Variants in DYNC2H1 observed in about 807,000 individuals in gnomAD.
DYNC2H1 encodes the protein dynein cytoplasmic 2 heavy chain 1, also known as cytoplasmic dynein 2 heavy chain 1.
Under a neutral mutation model 570.0 loss-of-function variants are expected in DYNC2H1, and 410 were observed. That is an observed-to-expected ratio of 0.72 (90% CI 0.66 to 0.78). The LOEUF (loss-of-function observed/expected upper bound fraction) is 0.78, where lower values mean the gene tolerates loss of function less well. Ranked by LOEUF, DYNC2H1 falls within the 30% of genes least tolerant of loss-of-function variation. The pLI is 0.00. For synonymous variants in DYNC2H1, 1,688 were observed against 1,677.6 expected (o/e 1.01, Z -0.15); for missense variants, 4,865 against 5,046.4 (o/e 0.96, Z 1.09).
chr11:103,336,118 A>G (rs1487629629), intron 82 of DYNC2H1, among the ~76,000 whole-genome samples: 1 of 152,188 alleles, frequency 6.6e-6, no homozygotes, highest in Non-Finnish European at 1.5e-5. Context: ...TTGCTAGGCA[A>G]AAGTAATTGG....
chr11:103,167,468 A>C (rs1386558530), intron 31 of DYNC2H1, among the ~76,000 whole-genome samples: 1 of 151,908 alleles, frequency 6.6e-6, no homozygotes, highest in Non-Finnish European at 1.5e-5. Flanking sequence ...TGGTTTTGCC[A>C]TGTTGCCCGG....
Position 103,204,704 on chromosome 11 carries a change from A to G in DYNC2H1, c.8312-118A>G. 1 of 676,034 alleles carries G rather than the reference A, an allele frequency of 1.5e-6. No individual in the cohort carries two copies. Among genetic ancestry groups the G allele is most frequent in the Non-Finnish European group, 2.4e-6 (1 of 420,588 alleles). The allele number at this position is 676,034 out of a possible 1,614,324, so 41.9% of individuals were successfully genotyped here. ...AAAAATCATAACATAATATTGTTTT[A>G]TATTGTGCTCGTTTTAAGAAACAAC... On this transcript the variant is annotated intron_variant, in intron 51 of 88. Transcript: ENST00000375735. The surrounding 1 kb of genome is among the most constrained non-coding windows in gnomAD (Gnocchi z 4.1).
chr11:103,218,847 T>C (rs1403038144), intron 55 of DYNC2H1, among the ~76,000 whole-genome samples: 1 of 152,224 alleles, frequency 6.6e-6, no homozygotes, highest in Non-Finnish European at 1.5e-5. Flanking sequence ...TAATTATAAA[T>C]AGCAGATATT....
chr11:103,136,721 A>T (rs539592719), intron 17 of DYNC2H1, among the ~76,000 whole-genome samples: 2,331 of 152,180 alleles, frequency 0.015, 54 homozygotes, highest in African/African-American at 0.052. Context: ...CATGATTTAT[A>T]GTCCTTTGGG....
rs1864589977 is a variant in DYNC2H1 at position 103,245,778 on chromosome 11, T to C, written c.10042+404T>C. 1.3e-5 allele frequency among the ~76,000 whole-genome samples: 2 copies of C among 152,262 alleles called. No individual in the cohort carries two copies. Among genetic ancestry groups the C allele is most frequent in the Admixed American group, 1.3e-4 (2 of 15,268 alleles). On this transcript the variant is annotated intron_variant, in intron 65 of 88. Transcript: ENST00000375735. This position sits in a 1 kb window ranked among gnomAD's most constrained non-coding sequence, Gnocchi z 4.5. ...CCAGGTGCTGGTTATGGGCCAACTT[T>C]ACAAGTAGCCCTTTCTAAAGAGTCT...
chr11:103,164,279 G>C (rs1269962878), intron 30 of DYNC2H1, among the ~76,000 whole-genome samples: 2 of 152,126 alleles, frequency 1.3e-5, no homozygotes, highest in Non-Finnish European at 2.9e-5. Flanking sequence ...AGAGAAAGTT[G>C]TTGGATTTCA....
intron 12 of DYNC2H1, among the ~76,000 whole-genome samples, chr11:103,128,600 T>C (rs1345592971): frequency 6.6e-6 from 1 of 152,236 alleles, no homozygotes. Context: ...AATTTAGTTT[T>C]TTAGCATTTA....
intron 62 of DYNC2H1, among the ~76,000 whole-genome samples, chr11:103,236,205 A>G (rs1280205795): frequency 6.6e-6 from 1 of 151,972 alleles, no homozygotes; most frequent in Non-Finnish European, 1.5e-5. Context: ...TTAGTTTGTG[A>G]AACAGTCACT....
intron 59 of DYNC2H1, among the ~76,000 whole-genome samples, chr11:103,229,922 T>C (rs953398948): frequency 2.6e-5 from 4 of 152,202 alleles, no homozygotes; most frequent in Non-Finnish European, 4.4e-5. Flanking sequence ...CCTTATTCTA[T>C]TGCAGTAATT....
chr11:103,358,325 C>T lies in DYNC2H1; in HGVS notation c.12122C>T (p.Ser4041Phe), dbSNP rs750027007. 1.3e-6 allele frequency: 2 copies of T among 1,583,970 alleles called. No individual in the cohort carries two copies. The highest frequency in any genetic ancestry group is 3.6e-5 in the Admixed American group (2 of 55,990). The change falls in exon 83 of 89, where the codon TCT (serine) becomes TTT (phenylalanine). Residue 4041 changes from serine (S) to phenylalanine (F), a missense_variant. By Grantham distance (155) the Ser-to-Phe change is radical (BLOSUM62 -2). Around this residue, in one of 5 missense-constraint regions of DYNC2H1, gnomAD observed 2,401 missense variants for 2,454.6 expected, o/e 0.98. Coordinates refer to ENST00000375735, the MANE Select transcript of DYNC2H1 (RefSeq NM_001377.3). ...AGAGAAATCTGGTCTAATGAACTTT[C>T]TCCTGTCCTCAATCTCTGGAAGAAA... is the stretch of plus-strand genomic sequence containing the variant. Reference protein sequence around the residue: ...FDREIWSNELSPVLNLWKKLN... With the variant: ...FDREIWSNELFPVLNLWKKLN...
chr11:103,466,306 TA>T (rs1200544493), intron 87 of DYNC2H1, among the ~76,000 whole-genome samples: 6 of 152,140 alleles, frequency 3.9e-5, no homozygotes. Flanking sequence ...TTTAAAAAGT[TA>T]CAGAAATAAA....
chr11:103,116,487 T>G lies in DYNC2H1; in HGVS notation c.622-83T>G, dbSNP rs1301777133. The stretch of plus-strand genomic sequence containing the variant: ...ATGGCAAATATTAGAGTTGTGGCAG[T>G]TGAAAAGGCCTGGGAACATTTTGAT... On this transcript the variant is annotated intron_variant, in intron 4 of 88. Transcript: ENST00000375735. The G allele has an allele frequency of 3.7e-6, 4 of 1,084,232 alleles. No homozygotes were observed. In the Admixed American group the frequency reaches 1.3e-4, roughly 35 times the overall value. The allele number at this position is 1,084,232 out of a possible 1,614,324, so 67.2% of individuals were successfully genotyped here. A position where few individuals can be genotyped will look rare whatever the true frequency, so the allele number is the denominator to read the frequency against.
intron 1 of DYNC2H1, among the ~76,000 whole-genome samples, chr11:103,110,417 G>C (rs541250197): frequency 1.3e-5 from 2 of 148,340 alleles, no homozygotes; most frequent in African/African-American, 2.5e-5. Flanking sequence ...TTTTTTTTTT[G>C]GGGGGAAGGC....
At chr11:103,265,534 TTGTC>T (rs1354362184) in intron 70 of DYNC2H1, among the ~76,000 whole-genome samples, 1 of 152,256 alleles carries the variant, frequency 6.6e-6, no homozygotes, top group East Asian at 1.9e-4. Flanking sequence ...ACCGACTAGG[TTGTC>T]TGTCAGTCCC....
intron 83 of DYNC2H1, among the ~76,000 whole-genome samples, chr11:103,385,169 A>G (rs184599608): frequency 1.3e-5 from 2 of 151,112 alleles, no homozygotes; most frequent in African/African-American, 4.9e-5. Flanking sequence ...CATTTTTTTA[A>G]AAAATTGGGT....
In DYNC2H1 at chr11:103,234,130, T is replaced by A. The variant is rs369223820; in HGVS notation, c.9537T>A (p.Leu3179=). Residue 3179 remains leucine, a synonymous_variant, in exon 61 of 89, where the codon CTT becomes CTA. Coordinates refer to ENST00000375735, the MANE Select transcript of DYNC2H1 (RefSeq NM_001377.3). ...CTGCAGAAGTCTTAATTAATCAGCT[T>A]GACAGAGAACATAAGAGATGGAATG... ...IKAAEVLINQ[L]DREHKRWNAQ... 1.3e-6 allele frequency: 2 copies of A among 1,582,316 alleles called. No individual in the cohort carries two copies. Among genetic ancestry groups the A allele is most frequent in the African/African-American group, 2.7e-5 (2 of 74,266 alleles).
At chr11:103,359,919 C>G (rs550300493) in intron 83 of DYNC2H1, among the ~76,000 whole-genome samples, 1 of 152,198 alleles carries the variant, frequency 6.6e-6, no homozygotes, top group African/African-American at 2.4e-5. Flanking sequence ...CCTGCCTCAG[C>G]CTCCCATAGT....
intron 53 of DYNC2H1, 27 bp from the exon 54 acceptor site, chr11:103,211,762 T>C (rs1324070616): frequency 2.0e-6 from 2 of 991,216 alleles, no homozygotes; most frequent in South Asian, 4.1e-5. Flanking sequence ...ATATAATAAG[T>C]TATTTTTATT....
intron 82 of DYNC2H1, among the ~76,000 whole-genome samples, chr11:103,343,695 C>A (rs115401894): frequency 0.013 from 1,978 of 151,944 alleles, 45 homozygotes; most frequent in African/African-American, 0.045. Context: ...CCTGTCTGGG[C>A]AACAGAACAA....
Sources: allele counts gnomAD v4.1 joint callset (sites outside exome capture counted in the v4.1 genomes callset), GRCh38; gene constraint gnomAD v4.1.1; regional missense constraint gnomAD v4.1.1; non-coding constraint Gnocchi (gnomAD v3.1); transcripts MANE v1.5; gene names NCBI Gene and HGNC (gene_info 2026-07-23, HGNC 2026-07-21).